CYP27C1: variants seen among roughly 807,000 people sequenced by gnomAD.
The protein encoded by CYP27C1 is cytochrome P450 family 27 subfamily C member 1, also known as cytochrome P450 27C1.
A neutral mutation model predicts 40.6 loss-of-function variants in CYP27C1; 29 were observed. The observed-to-expected ratio is 0.71, with a 90% CI of 0.53 to 0.97. The LOEUF (loss-of-function observed/expected upper bound fraction) is 0.97. Among genes scored for constraint, CYP27C1 ranks in the 50% least tolerant of loss-of-function variants. The pLI, the probability that CYP27C1 is intolerant of heterozygous loss-of-function variation, is 0.00. For missense variants in CYP27C1, 390 were observed against 485.8 expected, an observed-to-expected ratio of 0.80 and a Z score of 1.85; for synonymous variants, 198 against 186.8, an observed-to-expected ratio of 1.06 and a Z score of -0.49.
At position 127,211,361 on chromosome 2, in the gene CYP27C1, GTTTTTTTGTTTTTTTT is replaced by G. The variant is rs1558933815; in HGVS notation, c.283-5287_283-5272del. Among the ~76,000 whole-genome samples the G allele has an allele frequency of 2.9e-5, 3 of 103,598 alleles. 1 individual carries two copies. The highest frequency in any genetic ancestry group is 1.2e-4 in the African/African-American group (3 of 25,168). The allele number at this position is 103,598 out of a possible 152,430, so 68.0% of individuals were successfully genotyped here. A position where few individuals can be genotyped will look rare whatever the true frequency, so the allele number is the denominator to read the frequency against. On this transcript the variant is annotated intron_variant, in intron 1 of 8. Transcript: ENST00000664447. ...ATCTCTGGGATACAGCTAAAGCAGTGTTTTTTTGTTTTTTTTTTTTTTTTTTTTTTTTTTTTTTTGA... is the reference window on the plus strand; with the variant it reads ...ATCTCTGGGATACAGCTAAAGCAGTGTTTTTTTTTTTTTTTTTTTTTTTGA...
At chr2:127,204,508 A>AAGGAAG (rs1558931165) in intron 2 of CYP27C1, among the ~76,000 whole-genome samples, 3 of 56,504 alleles carry the variant, frequency 5.3e-5, no homozygotes, top group African/African-American at 1.7e-4. Context: ...AAGGAAGGAA[A>AAGGAAG]GAAAGAAGGA....
intron 8 of CYP27C1, among the ~76,000 whole-genome samples, chr2:127,192,128 C>A (rs1452776475): frequency 6.6e-6 from 1 of 152,200 alleles, no homozygotes; most frequent in Non-Finnish European, 1.5e-5. Flanking sequence ...GGGGCACCTG[C>A]ATGACTTGTA....
intron 8 of CYP27C1, 37 bp downstream of exon 8, chr2:127,193,057 C>A (rs763339404): frequency 1.9e-6 from 3 of 1,609,932 alleles, no homozygotes; most frequent in Non-Finnish European, 1.7e-6. Flanking sequence ...AGAAAGAGGC[C>A]GAACCCAAAG....
At chr2:127,199,315 T>A (rs539552156) in intron 5 of CYP27C1, 61 bp downstream of exon 5, 3 of 1,580,974 alleles carry the variant, frequency 1.9e-6, no homozygotes, top group East Asian at 4.5e-5. Context: ...ACAACGTCCA[T>A]GAGGTGATGA....
rs1484759800 is a variant in CYP27C1, at chr2:127,219,412, C to T, written c.282+577G>A. Among the ~76,000 whole-genome samples, 2 of 152,014 alleles carry T rather than the reference C, an allele frequency of 1.3e-5. No individual in the cohort carries two copies. The highest frequency in any genetic ancestry group is 6.5e-5 in the Admixed American group (1 of 15,278). On this transcript the variant is annotated intron_variant, in intron 1 of 8. Transcript: ENST00000664447. This position sits in a 1 kb window ranked among gnomAD's most constrained non-coding sequence, Gnocchi z 8.7. ...ATTCCTGGTTTCCCTTCGCGGCGCCCCCTCCCCAGGTTCCCCAACCAGGCA... is the reference window on the plus strand; with the variant it reads ...ATTCCTGGTTTCCCTTCGCGGCGCCTCCTCCCCAGGTTCCCCAACCAGGCA...
At chr2:127,203,282 T>G in intron 3 of CYP27C1, 90 bp downstream of exon 3, 1 of 1,467,964 alleles carries the variant, frequency 6.8e-7, no homozygotes, top group East Asian at 2.3e-5. Context: ...GCACACTGCC[T>G]GGGACCCAGG....
chr2:127,190,729 T>G (rs1219108135), intron 8 of CYP27C1, among the ~76,000 whole-genome samples: 1 of 149,398 alleles, frequency 6.7e-6, no homozygotes, highest in African/African-American at 2.5e-5. Flanking sequence ...ATGGATCACT[T>G]GAGGTCAGAA....
rs1683519952 is a variant in CYP27C1 at position 127,220,134 on chromosome 2, T to G, written c.137A>C (p.Lys46Thr). 6.7e-6 allele frequency: 1 copy of G among 149,472 alleles called. No homozygotes were observed. Among genetic ancestry groups the G allele is most frequent in the African/African-American group, 2.4e-5 (1 of 41,004 alleles). The allele number at this position is 149,472 out of a possible 1,614,324, so 9.3% of individuals were successfully genotyped here. Reference sequence around the variant, plus strand: ...CGGCGACCCCGGCCGCCCGGCGCCTTTGTCCTCGGCCCGCGCCCCCGCCGG... The same window carrying G: ...CGGCGACCCCGGCCGCCCGGCGCCTGTGTCCTCGGCCCGCGCCCCCGCCGG... Reference protein sequence around the residue: ...RLPAGARAEDKGAGRPGSPPG... With the variant: ...RLPAGARAEDTGAGRPGSPPG... Residue 46 changes from lysine (K) to threonine (T), a missense_variant, in exon 1 of 9, where the codon AAA becomes ACA. Physicochemically the swap from Lys to Thr is moderately conservative, Grantham distance 78. Coordinates refer to ENST00000664447, the MANE Select transcript of CYP27C1 (RefSeq NM_001367502.1). This position sits in a 1 kb window ranked among gnomAD's most constrained non-coding sequence, Gnocchi z 4.6.
chr2:127,195,271 T>C lies in CYP27C1; in HGVS notation c.1214+64A>G, dbSNP rs981515012. 5 of 1,604,450 alleles carry C rather than the reference T, an allele frequency of 3.1e-6. No homozygotes were observed. In the African/African-American group the frequency reaches 4.0e-5, roughly 13 times the overall value. On this transcript the variant is annotated intron_variant, in intron 6 of 8. Transcript: ENST00000664447. The surrounding 1 kb of genome is among the most constrained non-coding windows in gnomAD (Gnocchi z 6.2). ...GCCGGGGGGGCATTTGGAGGACTTG[T>C]TGTGATAGAGAACCAGGGACCTAAG...
intron 8 of CYP27C1, among the ~76,000 whole-genome samples, chr2:127,188,937 C>T (rs756506913): frequency 1.3e-5 from 2 of 152,144 alleles, no homozygotes; most frequent in African/African-American, 2.4e-5. Context: ...CAGGCAGCTA[C>T]ATCATGTGCT....
At chr2:127,188,011 T>C (rs1300260030) in intron 8 of CYP27C1, among the ~76,000 whole-genome samples, 1 of 152,046 alleles carries the variant, frequency 6.6e-6, no homozygotes, top group Non-Finnish European at 1.5e-5. Context: ...AAAGCAATTA[T>C]CTCCCCCGGC....
rs1035521495 is a variant in CYP27C1, at chr2:127,209,605, C to G, written c.283-3515G>C. Among the ~76,000 whole-genome samples, 22 of 152,224 alleles carry G rather than the reference C, an allele frequency of 1.4e-4. No individual in the cohort carries two copies. The highest frequency in any genetic ancestry group is 5.3e-4 in the African/African-American group (22 of 41,550). On this transcript the variant is annotated intron_variant, in intron 1 of 8. Coordinates refer to ENST00000664447, the MANE Select transcript of CYP27C1 (RefSeq NM_001367502.1). The surrounding 1 kb of genome is among the most constrained non-coding windows in gnomAD (Gnocchi z 4.1). ...CATGTTCTAACACAATGCAAAGAAG[C>G]TAAGAACCTTGATAAAAGGTTAGAG...
In CYP27C1 at chr2:127,201,653, T is replaced by C. The variant is rs1042945140; in HGVS notation, c.674-322A>G. ...CTGCAGAGGAGGACCCTGGGACAGA[T>C]CTGGAGCACAGGTCTGAAATGATGA... On this transcript the variant is annotated intron_variant, in intron 3 of 8. Transcript: ENST00000664447. The surrounding 1 kb of genome is among the most constrained non-coding windows in gnomAD (Gnocchi z 6.0). Among the ~76,000 whole-genome samples the C allele has an allele frequency of 6.6e-6, 1 of 152,154 alleles. No individual in the cohort carries two copies. The highest frequency in any genetic ancestry group is 1.5e-5 in the Non-Finnish European group (1 of 68,008).
chr2:127,204,443 A>G (rs1288977669), intron 2 of CYP27C1, among the ~76,000 whole-genome samples: 3 of 24,682 alleles, frequency 1.2e-4, no homozygotes, highest in African/African-American at 4.8e-4. Flanking sequence ...AGAAAGAAAA[A>G]GAAAGAAAGA....
At position 127,186,982 on chromosome 2, in the gene CYP27C1, T is replaced by C; in HGVS notation, c.*289A>G. 1 of 305,166 alleles carries C rather than the reference T, an allele frequency of 3.3e-6. No homozygotes were observed. Among genetic ancestry groups the C allele is most frequent in the Non-Finnish European group, 6.2e-6 (1 of 162,494 alleles). The allele number at this position is 305,166 out of a possible 1,614,324, so 18.9% of individuals were successfully genotyped here. A position where few individuals can be genotyped will look rare whatever the true frequency, so the allele number is the denominator to read the frequency against. ...GCACAGGATACTGCCAGTCATTAAA[T>C]ATTGAGTCTAGCACAATGTATGAAG... On this transcript the variant is annotated 3_prime_UTR_variant, in exon 9 of 9. Coordinates refer to ENST00000664447, the MANE Select transcript of CYP27C1 (RefSeq NM_001367502.1). This position sits in a 1 kb window ranked among gnomAD's most constrained non-coding sequence, Gnocchi z 4.5.
At position 127,196,366 on chromosome 2, in the gene CYP27C1, T is replaced by C. The variant is rs1274043951; in HGVS notation, c.1048-865A>G. On this transcript the variant is annotated intron_variant, in intron 5 of 8. Coordinates refer to ENST00000664447, the MANE Select transcript of CYP27C1 (RefSeq NM_001367502.1). This position sits in a 1 kb window ranked among gnomAD's most constrained non-coding sequence, Gnocchi z 4.5. ...GTGAGCCACCACGCCCGGTCAGCCA[T>C]GTCATTTTTTATACCTCTTCTCAAA... is the stretch of plus-strand genomic sequence containing the variant. Among the ~76,000 whole-genome samples the C allele has an allele frequency of 6.6e-6, 1 of 152,172 alleles. No homozygotes were observed. Among genetic ancestry groups the C allele is most frequent in the Non-Finnish European group, 1.5e-5 (1 of 68,022 alleles).
rs1026915938 is a variant in CYP27C1 at position 127,200,195 on chromosome 2, G to A, written c.884-656C>T. Among the ~76,000 whole-genome samples, 2 of 152,164 alleles carry A rather than the reference G, an allele frequency of 1.3e-5. No individual in the cohort carries two copies. Among genetic ancestry groups the A allele is most frequent in the Admixed American group, 6.5e-5 (1 of 15,276 alleles). On this transcript the variant is annotated intron_variant, in intron 4 of 8. Coordinates refer to ENST00000664447, the MANE Select transcript of CYP27C1 (RefSeq NM_001367502.1). This position sits in a 1 kb window ranked among gnomAD's most constrained non-coding sequence, Gnocchi z 4.2. ...CAGTTTCGCCATGTTGGCCAGGCTG[G>A]TCTTTAACTACTGACCTCAGGTGAT...
At chr2:127,192,757 C>T (rs1469119463) in intron 8 of CYP27C1, among the ~76,000 whole-genome samples, 1 of 48,808 alleles carries the variant, frequency 2.0e-5, no homozygotes, top group Non-Finnish European at 4.3e-5. Context: ...TGTAGCCACG[C>T]GGTTGGAGGA....
Position 127,204,446 on chromosome 2 carries a change from A to AAGAAAGAAAG in CYP27C1, c.474-885_474-876dup, listed in dbSNP as rs1403136391. Reference sequence around the variant, plus strand: ...GAGAGAAAGGAAAGAAAGAAAAAGAAAGAAAGAAAGAAAGAAAGAAAGAAA... The same window carrying AAGAAAGAAAG: ...GAGAGAAAGGAAAGAAAGAAAAAGAAAGAAAGAAAGAGAAAGAAAGAAAGAAAGAAAGAAA... On this transcript the variant is annotated intron_variant, in intron 2 of 8. Coordinates refer to ENST00000664447, the MANE Select transcript of CYP27C1 (RefSeq NM_001367502.1). Among the ~76,000 whole-genome samples, 4 of 32,692 alleles carry AAGAAAGAAAG rather than the reference A, an allele frequency of 1.2e-4. 1 individual carries two copies. The highest frequency in any genetic ancestry group is 2.4e-4 in the Non-Finnish European group (4 of 16,732). 21.4% of individuals were successfully genotyped at this position (32,692 alleles called of 152,430 possible). A position where few individuals can be genotyped will look rare whatever the true frequency, so the allele number is the denominator to read the frequency against.
Sources: allele counts gnomAD v4.1 joint callset (sites outside exome capture counted in the v4.1 genomes callset), GRCh38; gene constraint gnomAD v4.1.1; non-coding constraint Gnocchi (gnomAD v3.1); transcripts MANE v1.5; gene names NCBI Gene and HGNC (gene_info 2026-07-23, HGNC 2026-07-21).